The following RBFOX2 variants were observed in gnomAD, a reference collection of about 807,000 sequenced individuals.
RBFOX2 encodes RNA binding protein fox-1 homolog 2.
Under a neutral mutation model 49.1 loss-of-function variants are expected in RBFOX2, and 10 were observed. The observed-to-expected ratio is 0.20, with a 90% CI of 0.13 to 0.35. The LOEUF (loss-of-function observed/expected upper bound fraction) is 0.35, where lower values mean the gene tolerates loss of function less well. RBFOX2 is among the 10% of genes least tolerant of loss of function. RBFOX2 has a pLI of 1.00. For synonymous variants in RBFOX2, 183 were observed against 187.4 expected (o/e 0.98, Z 0.19); for missense variants, 323 against 486.9 (o/e 0.66, Z 3.17).
At chr22:35,897,850 G>A in intron 1 of RBFOX2, 2 of 737,690 alleles carry the variant, frequency 2.7e-6, no homozygotes, top group East Asian at 2.5e-5. Flanking sequence ...CTCTCCAACA[G>A]CCTTCTTTCT....
chr22:35,932,845 C>T (rs1371458803), intron 1 of RBFOX2, among the ~76,000 whole-genome samples: 3 of 152,208 alleles, frequency 2.0e-5, no homozygotes, highest in African/African-American at 7.2e-5. Context: ...TGCGCCACTT[C>T]ATTCCAGCCT....
In RBFOX2 at chr22:35,873,220, C is replaced by T. The variant is rs573847059; in HGVS notation, c.-33-63216G>A. On this transcript the variant is annotated intron_variant, in intron 1 of 13. Transcript: ENST00000359369. ...GATCTCGGCTCACTGCAACCTTCGC[C>T]TCCCCAGTTCAAGCAATTCTCATGC... 5.3e-5 allele frequency among the ~76,000 whole-genome samples: 8 copies of T among 152,062 alleles called. No homozygotes were observed. In the South Asian group the frequency reaches 1.7e-3, roughly 31 times the overall value.
intron 1 of RBFOX2, chr22:35,997,954 A>T (rs2058258136): frequency 6.6e-6 from 1 of 152,216 alleles, no homozygotes; most frequent in Admixed American, 6.5e-5. Context: ...GTGAGCCGTG[A>T]CCGAACCACC....
rs1229339906 is a variant in RBFOX2 at position 36,007,263 on chromosome 22, T to C, written c.186+20977A>G. On this transcript the variant is annotated intron_variant, in intron 1 of 13. Transcript: ENST00000438146. ...AAAACATAGCTAATATACAAACATATAAATATATATAATATAAATACATAA... is the reference window on the plus strand; with the variant it reads ...AAAACATAGCTAATATACAAACATACAAATATATATAATATAAATACATAA... Among the ~76,000 whole-genome samples, 4 of 151,488 alleles carry C rather than the reference T, an allele frequency of 2.6e-5. No homozygotes were observed. In the South Asian group the frequency reaches 8.3e-4, roughly 31 times the overall value.
chr22:35,896,751 C>T (rs1454262418), intron 1 of RBFOX2, among the ~76,000 whole-genome samples: 2 of 152,186 alleles, frequency 1.3e-5, no homozygotes, highest in Non-Finnish European at 1.5e-5. Context: ...CTTGGCCTCA[C>T]CCAAACCTTT....
At chr22:35,840,633 T>TGC (rs1958598820), upstream of RBFOX2, 3 of 513,970 alleles carry the variant, frequency 5.8e-6, no homozygotes, top group South Asian at 1.5e-4. Context: ...CGTGTGTGCG[T>TGC]GTGTGTGTGT....
intron 1 of RBFOX2, among the ~76,000 whole-genome samples, chr22:35,947,533 A>G (rs1449359663): frequency 2.0e-5 from 3 of 151,952 alleles, no homozygotes; most frequent in Non-Finnish European, 2.9e-5. Flanking sequence ...TGACAGCTCC[A>G]TGTGTGTTAC....
intron 1 of RBFOX2, among the ~76,000 whole-genome samples, chr22:35,913,477 T>TTGTG (rs61402464): frequency 0.013 from 1,862 of 143,486 alleles, 14 homozygotes; most frequent in Non-Finnish European, 0.021. Flanking sequence ...GTTATTTCTA[T>TTGTG]TGTGTGTGTG....
chr22:35,898,812 T>G (rs1334979563), intron 1 of RBFOX2, among the ~76,000 whole-genome samples: 1 of 152,160 alleles, frequency 6.6e-6, no homozygotes, highest in African/African-American at 2.4e-5. Context: ...AGTGTTATCT[T>G]TTAATCAAGT....
intron 1 of RBFOX2, chr22:35,821,900 GAGCAGGAA>G (rs751821032): frequency 1.9e-6 from 1 of 518,990 alleles, no homozygotes; most frequent in Non-Finnish European, 3.8e-6. Context: ...AAAGGGGGAG[GAGCAGGAA>G]ATGGGAGGAA....
intron 9 of RBFOX2, chr22:35,748,383 C>T (rs892818137): frequency 9.9e-5 from 15 of 152,126 alleles, no homozygotes; most frequent in African/African-American, 3.4e-4. Context: ...GGGGCCGTTT[C>T]TGATCAACAT....
chr22:35,790,736 T>C (rs1947426542), intron 2 of RBFOX2, among the ~76,000 whole-genome samples: 1 of 152,108 alleles, frequency 6.6e-6, no homozygotes, highest in African/African-American at 2.4e-5. Context: ...AATTAAAAGT[T>C]TTGGCTGGGT....
chr22:35,787,941 C>T (rs5755950), intron 2 of RBFOX2, among the ~76,000 whole-genome samples: 11,313 of 152,218 alleles, frequency 0.074, 442 homozygotes, highest in South Asian at 0.087. Context: ...AATCATATGG[C>T]TAAAACCTAT....
chr22:35,745,844 C>T lies in RBFOX2; in HGVS notation c.1049+79G>A, dbSNP rs1051422157. The T allele has an allele frequency of 2.2e-6, 3 of 1,395,330 alleles. No homozygotes were observed. In the Admixed American group the frequency reaches 5.5e-5, roughly 26 times the overall value. The allele number at this position is 1,395,330 out of a possible 1,614,324, so 86.4% of individuals were successfully genotyped here. A position where few individuals can be genotyped will look rare whatever the true frequency, so the allele number is the denominator to read the frequency against. ...GTGGATGAAAGGCTGAATTTACTAC[C>T]TCCCTAGATCTTCTGTAGTCTACGG... is the stretch of plus-strand genomic sequence containing the variant. On this transcript the variant is annotated intron_variant, in intron 11 of 11. Coordinates refer to ENST00000405409, the Ensembl canonical transcript of RBFOX2.
chr22:35,753,023 GAATGGGACTGTGAA>G (rs1042339595), intron 9 of RBFOX2, among the ~76,000 whole-genome samples: 4 of 152,204 alleles, frequency 2.6e-5, no homozygotes, highest in Non-Finnish European at 5.9e-5. Flanking sequence ...CACTGTCTAA[GAATGGGACTGTGAA>G]AGGGATTACA....
chr22:36,007,190 C>CTTCAT lies in RBFOX2; in HGVS notation c.186+21049_186+21050insATGAA, dbSNP rs537538388. 5.3e-4 allele frequency among the ~76,000 whole-genome samples: 81 copies of CTTCAT among 152,188 alleles called. 1 individual carries two copies. Among genetic ancestry groups the CTTCAT allele is most frequent in the South Asian group, 3.5e-3 (17 of 4,820 alleles). ...ATGTACTTTCCATTTTTAATCATCT[C>CTTCAT]TTATCTACCCCTCCATATCAGCACT... On this transcript the variant is annotated intron_variant, in intron 1 of 13. Coordinates refer to the RBFOX2 transcript ENST00000438146.
intron 1 of RBFOX2, chr22:35,995,143 C>T (rs996003839): frequency 2.6e-5 from 4 of 152,180 alleles, no homozygotes; most frequent in African/African-American, 9.7e-5. Context: ...ATACTTCCTA[C>T]AAAACATCAA....
chr22:35,970,428 T>C (rs2056803589), intron 1 of RBFOX2, among the ~76,000 whole-genome samples: 1 of 151,306 alleles, frequency 6.6e-6, no homozygotes, highest in African/African-American at 2.4e-5. Context: ...GCAGGAGGAC[T>C]GCTCAAGGTC....
intron 1 of RBFOX2, among the ~76,000 whole-genome samples, chr22:35,882,519 T>C (rs1033495366): frequency 6.6e-6 from 1 of 152,232 alleles, no homozygotes; most frequent in Non-Finnish European, 1.5e-5. Flanking sequence ...TCAAGAGTAT[T>C]ATTTTTAAAT....
Sources: allele counts gnomAD v4.1 joint callset (sites outside exome capture counted in the v4.1 genomes callset), GRCh38; gene constraint gnomAD v4.1.1; transcripts MANE v1.5; gene names NCBI Gene and HGNC (gene_info 2026-07-23, HGNC 2026-07-21).